Variants in DOT1L observed in about 807,000 individuals in gnomAD.
DOT1L encodes the protein histone-lysine N-methyltransferase, H3 lysine-79 specific.
Under a neutral mutation model 153.3 loss-of-function variants are expected in DOT1L, and 33 were observed. That is an observed-to-expected ratio of 0.22 (90% CI 0.16 to 0.29). DOT1L has a LOEUF of 0.29. Ranked by LOEUF, DOT1L falls within the 10% of genes least tolerant of loss-of-function variation. DOT1L has a pLI of 1.00. For synonymous variants in DOT1L, 1,135 were observed against 965.1 expected (o/e 1.18, Z -3.26); for missense variants, 1,847 against 2,119.9 (o/e 0.87, Z 2.53).
chr19:2,226,704 C>A lies in DOT1L; in HGVS notation c.4183C>A (p.Pro1395Thr). ...RGKEAGEGGL[P>T]LCGPTDKTPL... ...CAAGGAGGCAGGGGAGGGCGGCCTA[C>A]CGCTGTGCGGGCCCACGGACAAGAC... Residue 1395 changes from proline to threonine, a missense_variant, in exon 27 of 28, where the codon CCG (proline) becomes ACG (threonine). Pro to Thr is a conservative substitution (Grantham distance 38). This residue lies in a region of DOT1L where 934 missense variants were observed against 825.3 expected (regional missense o/e 1.13). Transcript: ENST00000398665. 6.4e-7 allele frequency: 1 copy of A among 1,570,370 alleles called. No homozygotes were observed. The highest frequency in any genetic ancestry group is 2.3e-5 in the East Asian group (1 of 43,900).
At chr19:2,214,327 A>C in intron 18 of DOT1L, 144 bp from the exon 19 acceptor site, 1 of 1,366,216 alleles carries the variant, frequency 7.3e-7, no homozygotes, top group East Asian at 2.5e-5. Context: ...CCGCATCCTC[A>C]GCCTGCTATT....
intron 7 of DOT1L, among the ~76,000 whole-genome samples, chr19:2,198,105 C>T (rs370986276): frequency 1.2e-4 from 18 of 152,208 alleles, no homozygotes; most frequent in African/African-American, 2.9e-4. Flanking sequence ...GGAACAGCTT[C>T]GGCCCCAGAG....
Position 2,226,379 on chromosome 19 carries a change from C to G in DOT1L, c.3858C>G (p.Ala1286=). 6.3e-7 allele frequency: 1 copy of G among 1,593,178 alleles called. No homozygotes were observed. Among genetic ancestry groups the G allele is most frequent in the Non-Finnish European group, 8.5e-7 (1 of 1,171,950 alleles). Residue 1286 remains alanine (A), a synonymous_variant, in exon 27 of 28, where the codon GCC becomes GCG. Transcript: ENST00000398665. ...RPALEEPSAD[A]KLAAHPRKGF... is the part of the protein sequence containing the mutation. ...CCCTGGAGGAGCCCTCTGCCGATGC[C>G]AAGCTGGCCGCTCACCCCAGGAAAG...
chr19:2,178,035 G>C (rs1599540639), intron 1 of DOT1L, among the ~76,000 whole-genome samples: 1 of 151,552 alleles, frequency 6.6e-6, no homozygotes, highest in East Asian at 1.9e-4. Context: ...TGAATCTCCT[G>C]GCTCAGCCTC....
chr19:2,214,728 A>G, intron 19 of DOT1L, 132 bp downstream of exon 19: 1 of 1,355,744 alleles, frequency 7.4e-7, no homozygotes, highest in Non-Finnish European at 9.8e-7. Flanking sequence ...AGTTGGGTGG[A>G]GGCTTATGGA....
At position 2,229,131 on chromosome 19, in the gene DOT1L, C is replaced by T. The variant is rs1259945550; in HGVS notation, c.4607-654C>T. 3 of 985,302 alleles carry T rather than the reference C, an allele frequency of 3.0e-6. No homozygotes were observed. In the African/African-American group the frequency reaches 5.2e-5, roughly 17 times the overall value. 61.0% of individuals were successfully genotyped at this position (985,302 alleles called of 1,614,324 possible). ...GTGTAGACGGTGCCCACCTTTGAGA[C>T]CAGAAGGAAGTTGGAAGCAGGAGTG... On this transcript the variant is annotated intron_variant, in intron 27 of 27. Coordinates refer to ENST00000398665, the MANE Select transcript of DOT1L (RefSeq NM_032482.3).
chr19:2,215,144 G>T (rs2023850105), intron 19 of DOT1L, among the ~76,000 whole-genome samples: 1 of 152,134 alleles, frequency 6.6e-6, no homozygotes, highest in African/African-American at 2.4e-5. Context: ...TCCCAGGATG[G>T]CATCCCCAAG....
intron 1 of DOT1L, among the ~76,000 whole-genome samples, chr19:2,173,899 C>T (rs1411373738): frequency 3.9e-5 from 6 of 152,210 alleles, no homozygotes. Context: ...CTGAGCCCCT[C>T]CAGTGTCGAG....
At chr19:2,192,125 C>T (rs920807786) in intron 5 of DOT1L, among the ~76,000 whole-genome samples, 2 of 152,156 alleles carry the variant, frequency 1.3e-5, no homozygotes, top group African/African-American at 2.4e-5. Flanking sequence ...TGCAGGCACG[C>T]GAGCCCCACG....
At position 2,209,752 on chromosome 19, in the gene DOT1L, C is replaced by T. The variant is rs550506474; in HGVS notation, c.1006-648C>T. ...GAGGGGGTCAGACAAGACCAGCATG[C>T]GGAGAACCCCGTACAGGAAGGGCTC... is the stretch of plus-strand genomic sequence containing the variant. On this transcript the variant is annotated intron_variant, in intron 12 of 27. Transcript: ENST00000398665. Among the ~76,000 whole-genome samples, 15 of 152,302 alleles carry T rather than the reference C, an allele frequency of 9.8e-5. No homozygotes were observed. In the South Asian group the frequency reaches 2.7e-3, roughly 27 times the overall value.
intron 27 of DOT1L, chr19:2,227,564 G>A (rs1469424121): frequency 5.7e-6 from 4 of 701,062 alleles, no homozygotes; most frequent in African/African-American, 2.1e-5. Context: ...GCGGGGGGCC[G>A]GAGGGCGGAG....
Position 2,182,637 on chromosome 19 carries a change from C to T in DOT1L, c.125+1881C>T, listed in dbSNP as rs145977164. Reference sequence around the variant, plus strand: ...ACGTGGTCTCTCTGGGTTAGGATCTCGGTGCAGCAGGGGTGGAAGCCCCTC... The same window carrying T: ...ACGTGGTCTCTCTGGGTTAGGATCTTGGTGCAGCAGGGGTGGAAGCCCCTC... On this transcript the variant is annotated intron_variant, in intron 2 of 27. Coordinates refer to ENST00000398665, the MANE Select transcript of DOT1L (RefSeq NM_032482.3). 2.5e-3 allele frequency among the ~76,000 whole-genome samples: 376 copies of T among 152,274 alleles called. 2 individuals are homozygous for T. The highest frequency in any genetic ancestry group is 7.9e-3 in the African/African-American group (327 of 41,560).
chr19:2,223,214 G>T lies in DOT1L; in HGVS notation c.3391-67G>T, dbSNP rs536057287. On this transcript the variant is annotated intron_variant, in intron 24 of 27. Coordinates refer to ENST00000398665, the MANE Select transcript of DOT1L (RefSeq NM_032482.3). Reference sequence around the variant, plus strand: ...TGCAGACAGGAGCCTCCTGGGGCGGGGGGGCTCTCCTGCCTTGGGGTCCCG... The same window carrying T: ...TGCAGACAGGAGCCTCCTGGGGCGGTGGGGCTCTCCTGCCTTGGGGTCCCG... The T allele has an allele frequency of 2.1e-4, 334 of 1,565,690 alleles. 3 individuals carry two copies. The South Asian group carries it at 3.4e-3, about 16-fold the overall frequency.
At chr19:2,227,211 T>G (rs2024388971) in intron 27 of DOT1L, 84 bp downstream of exon 27, 6 of 1,520,274 alleles carry the variant, frequency 3.9e-6, no homozygotes, top group East Asian at 4.5e-5. Context: ...CCGCACTCTC[T>G]TGCAGCAGGA....
At position 2,185,948 on chromosome 19, in the gene DOT1L, A is replaced by G. The variant is rs746563808; in HGVS notation, c.200+19A>G. The G allele has an allele frequency of 1.9e-6, 3 of 1,612,522 alleles. No individual in the cohort carries two copies. Among genetic ancestry groups the G allele is most frequent in the Non-Finnish European group, 2.5e-6 (3 of 1,178,684 alleles). Reference sequence around the variant, plus strand: ...CCAAAAGGTAAGCAGAGTCCTGTCCAGCCGCTCCGCTCCGAGGACAGACTC... The same window carrying G: ...CCAAAAGGTAAGCAGAGTCCTGTCCGGCCGCTCCGCTCCGAGGACAGACTC... On this transcript the variant is annotated intron_variant, in intron 3 of 27. Coordinates refer to ENST00000398665, the MANE Select transcript of DOT1L (RefSeq NM_032482.3).
intron 1 of DOT1L, among the ~76,000 whole-genome samples, chr19:2,166,641 C>G (rs2019934337): frequency 6.6e-6 from 1 of 152,094 alleles, no homozygotes; most frequent in Admixed American, 6.5e-5. Context: ...GAACTCCTAA[C>G]CTCAGGTGAT....
chr19:2,178,231 CA>C (rs1361676143), intron 1 of DOT1L, among the ~76,000 whole-genome samples: 3 of 135,764 alleles, frequency 2.2e-5, no homozygotes, highest in African/African-American at 9.5e-5. Context: ...CATGCCTGGC[CA>C]TTTTTTTTTT....
rs201398452 is a variant in DOT1L at position 2,208,898 on chromosome 19, A to G, written c.964-37A>G. Reference sequence around the variant, plus strand: ...CAGACAAATCCGAACAGAGATTGGGACTCCCTTCTAATCAGGGTTCTCTTT... The same window carrying G: ...CAGACAAATCCGAACAGAGATTGGGGCTCCCTTCTAATCAGGGTTCTCTTT... On this transcript the variant is annotated intron_variant, in intron 11 of 27. Transcript: ENST00000398665. This position sits in a 1 kb window ranked among gnomAD's most constrained non-coding sequence, Gnocchi z 4.4. 8 of 1,603,818 alleles carry G rather than the reference A, an allele frequency of 5.0e-6. No homozygotes were observed. Among genetic ancestry groups the G allele is most frequent in the African/African-American group, 1.3e-5 (1 of 74,268 alleles).
At chr19:2,182,865 C>T (rs2022307095) in intron 2 of DOT1L, among the ~76,000 whole-genome samples, 1 of 152,148 alleles carries the variant, frequency 6.6e-6, no homozygotes, top group African/African-American at 2.4e-5. Context: ...TTGTTTGAAC[C>T]TTGTGTGTTT....
Sources: allele counts gnomAD v4.1 joint callset (sites outside exome capture counted in the v4.1 genomes callset), GRCh38; gene constraint gnomAD v4.1.1; regional missense constraint gnomAD v4.1.1; non-coding constraint Gnocchi (gnomAD v3.1); transcripts MANE v1.5; gene names NCBI Gene and HGNC (gene_info 2026-07-23, HGNC 2026-07-21).